Variants in CPQ observed in about 807,000 individuals in gnomAD.
CPQ encodes the protein carboxypeptidase Q.
CPQ carries 37 observed loss-of-function variants against 45.7 expected under a neutral mutation model. That is an observed-to-expected ratio of 0.81 (90% CI 0.62 to 1.07). The LOEUF is 1.07. Among genes scored for constraint, CPQ ranks in the 50% least tolerant of loss-of-function variants. The pLI is 0.00. For synonymous variants in CPQ, 186 were observed against 205.8 expected, an observed-to-expected ratio of 0.90 and a Z score of 0.82; for missense variants, 537 against 572.9, an observed-to-expected ratio of 0.94 and a Z score of 0.64.
rs187271772 is a variant in CPQ, at chr8:97,116,022, G to A, written c.1256-26998G>A. Among the ~76,000 whole-genome samples, 591 of 152,192 alleles carry A rather than the reference G, an allele frequency of 3.9e-3. 8 individuals are homozygous for A. The highest frequency in any genetic ancestry group is 0.014 in the African/African-American group (570 of 41,528). On this transcript the variant is annotated intron_variant, in intron 7 of 7. Transcript: ENST00000220763. ...CAAAGCAAAATGGGTGAGGCTGACA[G>A]GCTATAAATTGAAAAGGGAGAAGGG...
At chr8:96,707,581 T>A (rs956316489) in intron 1 of CPQ, among the ~76,000 whole-genome samples, 6 of 152,088 alleles carry the variant, frequency 3.9e-5, no homozygotes, top group Non-Finnish European at 8.8e-5. Flanking sequence ...GCACCCCTGA[T>A]CTAGATCATT....
At chr8:97,107,745 G>C (rs1037947981) in intron 7 of CPQ, among the ~76,000 whole-genome samples, 1 of 152,134 alleles carries the variant, frequency 6.6e-6, no homozygotes, top group African/African-American at 2.4e-5. Flanking sequence ...GCCAAGGGCA[G>C]CTCTCTGAGG....
chr8:96,929,217 C>A (rs1812937524), intron 4 of CPQ, among the ~76,000 whole-genome samples: 1 of 152,100 alleles, frequency 6.6e-6, no homozygotes, highest in African/African-American at 2.4e-5. Flanking sequence ...CCTACAAAGA[C>A]CCTTTCAAAG....
At chr8:96,671,698 T>C (rs1053323707) in intron 1 of CPQ, among the ~76,000 whole-genome samples, 2 of 152,214 alleles carry the variant, frequency 1.3e-5, no homozygotes, top group African/African-American at 4.8e-5. Flanking sequence ...CTGCAACTCA[T>C]TTCTAAAAGA....
At chr8:96,763,848 A>G (rs554367782) in intron 1 of CPQ, among the ~76,000 whole-genome samples, 2 of 152,312 alleles carry the variant, frequency 1.3e-5, no homozygotes, top group Non-Finnish European at 2.9e-5. Flanking sequence ...ACCAATACAC[A>G]CATATTAGGA....
chr8:96,967,011 G>GAGA (rs1813577895), intron 5 of CPQ, among the ~76,000 whole-genome samples: 1 of 152,206 alleles, frequency 6.6e-6, no homozygotes, highest in South Asian at 2.1e-4. Flanking sequence ...AGGTTTGAGA[G>GAGA]AGAAGTTATC....
chr8:96,681,983 C>G (rs1019787564), intron 1 of CPQ, among the ~76,000 whole-genome samples: 2 of 152,162 alleles, frequency 1.3e-5, no homozygotes, highest in African/African-American at 4.8e-5. Context: ...CCCATTGTAT[C>G]TAGGAAGTAA....
intron 4 of CPQ, among the ~76,000 whole-genome samples, chr8:96,888,020 C>A (rs1812326112): frequency 6.6e-6 from 1 of 152,136 alleles, no homozygotes; most frequent in Admixed American, 6.5e-5. Flanking sequence ...CAGTGTGGGG[C>A]AGGATTTCTC....
In CPQ at chr8:97,023,445, A is replaced by C. The variant is rs542652743; in HGVS notation, c.962-5958A>C. ...ACCAAAGAACTTACTCATGTAACCA[A>C]ACACCACCTGTACCCCAATAACCTA... is the stretch of plus-strand genomic sequence containing the variant. On this transcript the variant is annotated intron_variant, in intron 5 of 7. Coordinates refer to ENST00000220763, the MANE Select transcript of CPQ (RefSeq NM_016134.4). Among the ~76,000 whole-genome samples, 4 of 152,274 alleles carry C rather than the reference A, an allele frequency of 2.6e-5. No individual in the cohort carries two copies. The South Asian group carries it at 8.3e-4, about 32-fold the overall frequency.
intron 1 of CPQ, among the ~76,000 whole-genome samples, chr8:96,755,241 C>T (rs1472591414): frequency 6.6e-6 from 1 of 151,976 alleles, no homozygotes; most frequent in Non-Finnish European, 1.5e-5. Flanking sequence ...GAATTTTCTT[C>T]ATTCTCCTGC....
intron 6 of CPQ, among the ~76,000 whole-genome samples, chr8:97,040,623 C>T (rs1432993636): frequency 7.9e-5 from 12 of 152,170 alleles, no homozygotes; most frequent in Non-Finnish European, 1.6e-4. Context: ...TTAGTTCTAA[C>T]GTTTAAGTCT....
intron 1 of CPQ, among the ~76,000 whole-genome samples, chr8:96,654,475 A>G (rs1271371712): frequency 6.6e-6 from 1 of 152,092 alleles, no homozygotes; most frequent in African/African-American, 2.4e-5. Flanking sequence ...GGGGTTCTCT[A>G]ACATAGCACT....
At chr8:97,012,909 A>G (rs938320322) in intron 5 of CPQ, among the ~76,000 whole-genome samples, 2 of 151,616 alleles carry the variant, frequency 1.3e-5, no homozygotes, top group Non-Finnish European at 2.9e-5. Context: ...TGTGCTTCCC[A>G]TAATTGAAGA....
intron 4 of CPQ, among the ~76,000 whole-genome samples, chr8:96,926,173 C>A (rs1812871258): frequency 6.6e-6 from 1 of 152,176 alleles, no homozygotes; most frequent in Non-Finnish European, 1.5e-5. Context: ...GATCAACTAG[C>A]CTAACCACCC....
intron 1 of CPQ, among the ~76,000 whole-genome samples, chr8:96,728,224 G>C (rs1809868838): frequency 6.6e-6 from 1 of 152,084 alleles, no homozygotes; most frequent in African/African-American, 2.4e-5. Flanking sequence ...GTTCTTGGAG[G>C]CCTGACTTGT....
chr8:96,695,955 G>A (rs1174798717), intron 1 of CPQ, among the ~76,000 whole-genome samples: 1 of 149,240 alleles, frequency 6.7e-6, no homozygotes, highest in Non-Finnish European at 1.5e-5. Flanking sequence ...ATACCCAAAG[G>A]ACTATAAATC....
At chr8:96,839,605 TA>T (rs1811579367) in intron 3 of CPQ, among the ~76,000 whole-genome samples, 3 of 152,226 alleles carry the variant, frequency 2.0e-5, no homozygotes, top group African/African-American at 7.2e-5. Context: ...TCATATTGTT[TA>T]GTACATATTT....
intron 7 of CPQ, among the ~76,000 whole-genome samples, chr8:97,093,966 G>A (rs1292228078): frequency 6.6e-6 from 1 of 152,176 alleles, no homozygotes; most frequent in Non-Finnish European, 1.5e-5. Context: ...CCCATAGGGT[G>A]TGAGTCTTTA....
chr8:96,676,713 G>T (rs1260576913), intron 1 of CPQ, among the ~76,000 whole-genome samples: 2 of 151,946 alleles, frequency 1.3e-5, no homozygotes, highest in African/African-American at 4.8e-5. Flanking sequence ...GGGTGCAGTT[G>T]GTGTTTGGCT....
Sources: gnomAD v4.1 joint callset for allele counts (sites outside exome capture counted in the v4.1 genomes callset) on GRCh38, gnomAD v4.1.1 for gene constraint, MANE v1.5 for transcripts, NCBI Gene and HGNC (gene_info 2026-07-23, HGNC 2026-07-21) for gene names.